TMEM176B: variants seen among roughly 807,000 people sequenced by gnomAD.
TMEM176B encodes the protein transmembrane protein 176B.
Under a neutral mutation model 30.3 loss-of-function variants are expected in TMEM176B, and 28 were observed. The observed-to-expected ratio is 0.92, with a 90% CI of 0.68 to 1.27. TMEM176B has a LOEUF of 1.27. Among genes scored for constraint, TMEM176B ranks in the 50% most tolerant of loss-of-function variants. The probability of loss-of-function intolerance (pLI) is 0.00; values close to 1 mark genes in which losing one functional copy is unlikely to be tolerated. For synonymous variants in TMEM176B, 123 were observed against 130.3 expected (o/e 0.94, Z 0.38); for missense variants, 349 against 327.4 (o/e 1.07, Z -0.51).
chr7:150,794,046 AC>A lies in TMEM176B; in HGVS notation c.229del (p.Val77Ter). On this transcript the variant is annotated frameshift_variant, in exon 3 of 7. Transcript: ENST00000326442. LOFTEE classifies it high-confidence loss of function. Reference sequence around the variant, plus strand: ...GAGACACACTCCAAGAACACAACTCACAACCCCCAGCAATATCTGAGTCACC... The same window carrying A: ...GAGACACACTCCAAGAACACAACTCAAACCCCCAGCAATATCTGAGTCACC... Reference protein sequence around the residue: ...LGVTQILLGVVSCVLGVCLSL... With the variant: ...LGVTQILLGVXSCVLGVCLSL... 6 of 1,613,764 alleles carry A rather than the reference AC, an allele frequency of 3.7e-6. No individual in the cohort carries two copies. The highest frequency in any genetic ancestry group is 5.1e-6 in the Non-Finnish European group (6 of 1,179,822).
At chr7:150,798,968 C>A (rs1468645771) in intron 1 of TMEM176B, among the ~76,000 whole-genome samples, 1 of 152,072 alleles carries the variant, frequency 6.6e-6, no homozygotes, top group Non-Finnish European at 1.5e-5. Flanking sequence ...CTATTTCATT[C>A]TATTTATGGT....
chr7:150,796,990 A>C (rs1274142645), intron 1 of TMEM176B, among the ~76,000 whole-genome samples: 1 of 152,070 alleles, frequency 6.6e-6, no homozygotes, highest in Non-Finnish European at 1.5e-5. Flanking sequence ...CAAACAAAAA[A>C]CAGTGTCTTT....
rs1199950230 is a variant in TMEM176B, at chr7:150,796,375, C to A, written c.195G>T (p.Leu65=). Residue 65 remains leucine, a synonymous_variant, in exon 2 of 7, where the codon CTG becomes CTT. Coordinates refer to ENST00000326442, the MANE Select transcript of TMEM176B (RefSeq NM_001101312.2). ...PSTARIGYEQ[L]ALGVTQILLG... ...ACCACCCCAGTCTTACCCCTAGAGC[C>A]AGCTGCTCATAACCAATCCTGGCTG... is the stretch of plus-strand genomic sequence containing the variant. 4.3e-6 allele frequency: 7 copies of A among 1,614,084 alleles called. No homozygotes were observed. In the East Asian group the frequency reaches 1.6e-4, roughly 36 times the overall value.
chr7:150,797,890 T>C (rs887013807), intron 1 of TMEM176B, among the ~76,000 whole-genome samples: 8 of 152,212 alleles, frequency 5.3e-5, no homozygotes, highest in Admixed American at 3.3e-4. Context: ...CAATGTGGAA[T>C]TGGCAGGGCA....
intron 1 of TMEM176B, chr7:150,796,777 G>A (rs1798546083): frequency 1.8e-6 from 1 of 558,848 alleles, no homozygotes; most frequent in Non-Finnish European, 3.2e-6. Flanking sequence ...TGGCCAATGT[G>A]GCAAAACTCC....
At chr7:150,797,287 T>C (rs904268774) in intron 1 of TMEM176B, among the ~76,000 whole-genome samples, 37 of 152,254 alleles carry the variant, frequency 2.4e-4, no homozygotes, top group African/African-American at 8.7e-4. Flanking sequence ...TGCATGATGC[T>C]GTGATCACAC....
intron 1 of TMEM176B, among the ~76,000 whole-genome samples, chr7:150,798,929 C>T (rs982762947): frequency 1.3e-5 from 2 of 151,958 alleles, no homozygotes; most frequent in Non-Finnish European, 2.9e-5. Flanking sequence ...ATTTTTTGAC[C>T]TTGCTTGTAT....
intron 6 of TMEM176B, 81 bp from the exon 7 acceptor site, chr7:150,791,704 G>C: frequency 2.4e-6 from 3 of 1,264,860 alleles, no homozygotes. Flanking sequence ...AAAGCAGAAA[G>C]AGGAAAGGAG....
rs558442161 is a variant in TMEM176B, at chr7:150,797,849, TA to T, written c.-5-1276del. On this transcript the variant is annotated intron_variant, in intron 1 of 6. Coordinates refer to ENST00000326442, the MANE Select transcript of TMEM176B (RefSeq NM_001101312.2). ...AAGTGGTTCCCTATTGGCAGACATT[TA>T]GGTTATTTCTAATCCTTTTCCATTA... Among the ~76,000 whole-genome samples, 98 of 152,336 alleles carry T rather than the reference TA, an allele frequency of 6.4e-4. 1 individual carries two copies. The highest frequency in any genetic ancestry group is 2.1e-3 in the African/African-American group (86 of 41,574).
upstream of TMEM176B, chr7:150,801,285 G>A: frequency 2.5e-6 from 1 of 397,822 alleles, no homozygotes; most frequent in Non-Finnish European, 4.4e-6. Flanking sequence ...GGAGGATGAG[G>A]GGGACAGAGC....
In TMEM176B at chr7:150,791,345, A is replaced by G. The variant is rs1350083218; in HGVS notation, c.*186T>C. 2 of 532,060 alleles carry G rather than the reference A, an allele frequency of 3.8e-6. No individual in the cohort carries two copies. Among genetic ancestry groups the G allele is most frequent in the African/African-American group, 3.8e-5 (2 of 52,764 alleles). The allele number at this position is 532,060 out of a possible 1,614,324, so 33.0% of individuals were successfully genotyped here. ...TTATGTTTAATCAGCATTGTGGAAA[A>G]TGCAACAATATCTGTTCATGGACTT... On this transcript the variant is annotated 3_prime_UTR_variant, in exon 7 of 7. Coordinates refer to ENST00000326442, the MANE Select transcript of TMEM176B (RefSeq NM_001101312.2).
upstream of TMEM176B, chr7:150,800,946 A>T: frequency 2.0e-6 from 2 of 985,802 alleles, no homozygotes; most frequent in Non-Finnish European, 2.4e-6. Context: ...ACACTCCAGG[A>T]AGGGGACTGC....
intron 6 of TMEM176B, 51 bp from the exon 7 acceptor site, chr7:150,791,674 G>A (rs777491007): frequency 1.2e-4 from 175 of 1,514,422 alleles, no homozygotes; most frequent in Non-Finnish European, 1.5e-4. Context: ...TGCAGGCAGA[G>A]TTAGTATCAT....
chr7:150,798,051 AT>A (rs933482365), intron 1 of TMEM176B, among the ~76,000 whole-genome samples: 92 of 152,334 alleles, frequency 6.0e-4, no homozygotes, highest in African/African-American at 2.1e-3. Flanking sequence ...TGTAATAAAA[AT>A]GTCCCATTTT....
Position 150,791,403 on chromosome 7 carries a change from T to G in TMEM176B, c.*128A>C. On this transcript the variant is annotated 3_prime_UTR_variant, in exon 7 of 7. Transcript: ENST00000326442. ...CCAGAGTGGGAACAGCAGGTGCGGA[T>G]GTGGGGAGAAGAAAGGAGGAGGGTC... 7.5e-6 allele frequency: 5 copies of G among 662,900 alleles called. No homozygotes were observed. Among genetic ancestry groups the G allele is most frequent in the East Asian group, 2.6e-5 (1 of 37,804 alleles). The allele number at this position is 662,900 out of a possible 1,614,324, so 41.1% of individuals were successfully genotyped here. A position where few individuals can be genotyped will look rare whatever the true frequency, so the allele number is the denominator to read the frequency against.
intron 1 of TMEM176B, among the ~76,000 whole-genome samples, chr7:150,797,471 G>C (rs908964453): frequency 1.3e-5 from 2 of 152,188 alleles, no homozygotes; most frequent in African/African-American, 4.8e-5. Context: ...GAAGACAAAG[G>C]TTTTTAAAGG....
chr7:150,793,691 T>C (rs796791224), intron 3 of TMEM176B, 91 bp from the exon 4 acceptor site: 14 of 1,408,662 alleles, frequency 9.9e-6, no homozygotes, highest in African/African-American at 5.8e-5. Context: ...GAATAGCCAA[T>C]GTGAAGCAGG....
In TMEM176B at chr7:150,793,213, A is replaced by G; in HGVS notation, c.475T>C (p.Tyr159His). ...GAGCGATCACACACAGTGTCGATGT[A>G]TAAAAAGGGTTCAGTTTGCCAGATG... ...SFIWQTEPFLYIDTVCDRSDP... is the reference protein window; with the variant it reads ...SFIWQTEPFLHIDTVCDRSDP... The change falls in exon 5 of 7, where the codon TAC (tyrosine) becomes CAC (histidine). Residue 159 changes from tyrosine (Y) to histidine (H), a missense_variant. Coordinates refer to ENST00000326442, the MANE Select transcript of TMEM176B (RefSeq NM_001101312.2). The G allele has an allele frequency of 6.2e-7, 1 of 1,614,260 alleles. No individual in the cohort carries two copies. Among genetic ancestry groups the G allele is most frequent in the Non-Finnish European group, 8.5e-7 (1 of 1,180,060 alleles).
Position 150,796,373 on chromosome 7 carries a change from G to A in TMEM176B, c.197C>T (p.Ala66Val), listed in dbSNP as rs779289323. Reference protein sequence around the residue: ...STARIGYEQLALGVTQILLGV... With the variant: ...STARIGYEQLVLGVTQILLGV... The stretch of plus-strand genomic sequence containing the variant: ...GCACCACCCCAGTCTTACCCCTAGA[G>A]CCAGCTGCTCATAACCAATCCTGGC... The change falls in exon 2 of 7, where the codon GCT (alanine) becomes GTT (valine). Residue 66 changes from alanine (A) to valine (V), a missense_variant. Ala to Val is a moderately conservative substitution (Grantham distance 64). Transcript: ENST00000326442. The A allele has an allele frequency of 9.3e-6, 15 of 1,614,128 alleles. 1 individual carries two copies. The highest frequency in any genetic ancestry group is 1.7e-4 in the Middle Eastern group (1 of 6,058).
Sources: gnomAD v4.1 joint callset for allele counts (sites outside exome capture counted in the v4.1 genomes callset) on GRCh38, gnomAD v4.1.1 for gene constraint, MANE v1.5 for transcripts, NCBI Gene and HGNC (gene_info 2026-07-23, HGNC 2026-07-21) for gene names.